VPS13C: variants seen among roughly 807,000 people sequenced by gnomAD.
VPS13C encodes the protein vacuolar protein sorting 13 homolog C.
VPS13C carries 358 observed loss-of-function variants against 456.8 expected under a neutral mutation model. The observed-to-expected ratio is 0.78, with a 90% CI of 0.72 to 0.86. VPS13C has a LOEUF of 0.86. Among genes scored for constraint, VPS13C ranks in the 40% least tolerant of loss-of-function variants. The pLI is 0.00. For synonymous variants in VPS13C, 1,578 were observed against 1,486.7 expected, an observed-to-expected ratio of 1.06 and a Z score of -1.41; for missense variants, 4,818 against 4,385.4, an observed-to-expected ratio of 1.10 and a Z score of -2.79.
chr15:61,931,136 A>G lies in VPS13C; in HGVS notation c.5992T>C (p.Cys1998Arg). 1.2e-6 allele frequency: 2 copies of G among 1,614,140 alleles called. No homozygotes were observed. The highest frequency in any genetic ancestry group is 1.7e-6 in the Non-Finnish European group (2 of 1,180,018). Residue 1998 changes from cysteine (C) to arginine (R), a missense_variant, in exon 50 of 85, where the codon TGC (cysteine) becomes CGC (arginine). Transcript: ENST00000644861. ...SMNVSVKLKT[C>R]TLDDLREGIE... is the part of the protein sequence containing the mutation. ...CCTTCTCTGAGATCATCAAGGGTGC[A>G]TGTCTTAAGTTTAACGCTGACATTC...
intron 74 of VPS13C, among the ~76,000 whole-genome samples, chr15:61,878,349 A>G (rs1277539585): frequency 6.6e-6 from 1 of 151,930 alleles, no homozygotes; most frequent in Non-Finnish European, 1.5e-5. Context: ...TGACTAAAAA[A>G]TTCAATTATT....
rs146172151 is a variant in VPS13C, at chr15:61,929,643, C to T, written c.6144G>A (p.Leu2048=). Residue 2048 remains leucine, a synonymous_variant, in exon 51 of 85, where the codon CTG becomes CTA. Transcript: ENST00000644861. ...GAAATTCCACACTGGCACATACATA[C>T]AGCTTGTCAAGAACAGCATCAATTT... ...GSQIDAVLDK[L]YVCASVEFLM... is the part of the protein sequence containing the mutation. 5.0e-6 allele frequency: 8 copies of T among 1,614,002 alleles called. No homozygotes were observed. The highest frequency in any genetic ancestry group is 6.8e-6 in the Non-Finnish European group (8 of 1,180,016).
At position 61,877,232 on chromosome 15, in the gene VPS13C, C is replaced by T. The variant is rs1596281443; in HGVS notation, c.10143-178G>A. 5 of 464,794 alleles carry T rather than the reference C, an allele frequency of 1.1e-5. No homozygotes were observed. In the East Asian group the frequency reaches 1.7e-4, roughly 16 times the overall value. The allele number at this position is 464,794 out of a possible 1,614,324, so 28.8% of individuals were successfully genotyped here. On this transcript the variant is annotated intron_variant, in intron 74 of 84. Transcript: ENST00000644861. ...AATGGTTACTAAATTATTATAAAAA[C>T]AGTGCACAAGTTTTTCATATATGCA...
rs375042118 is a variant in VPS13C at position 61,911,900 on chromosome 15, G to A, written c.8655C>T (p.Gly2885=). 105 of 1,611,826 alleles carry A rather than the reference G, an allele frequency of 6.5e-5. No homozygotes were observed. Among genetic ancestry groups the A allele is most frequent in the African/African-American group, 5.9e-4 (44 of 74,936 alleles). ...GCATTGAGCCATCAGATGCAATCTC[G>A]CCAACTTCTAGTTCTAATGATGACT... ...ANKSSLELEV[G]EIASDGSMPT... The change falls in exon 63 of 85, where the codon GGC becomes GGT. Residue 2885 remains glycine (G), a synonymous_variant. Transcript: ENST00000644861.
At chr15:61,905,589 A>G (rs1468818776) in intron 66 of VPS13C, among the ~76,000 whole-genome samples, 1 of 152,146 alleles carries the variant, frequency 6.6e-6, no homozygotes, top group Admixed American at 6.6e-5. Flanking sequence ...AGAATTAGTG[A>G]TAATATATAA....
rs1462766066 is a variant in VPS13C at position 61,907,492 on chromosome 15, T to C, written c.8979-102A>G. ...GGATTAGCACAGAAGTCCTACGAAA[T>C]TGCTGTGGTTAATAAAACACAACTC... On this transcript the variant is annotated intron_variant, in intron 65 of 84. Coordinates refer to ENST00000644861, the MANE Select transcript of VPS13C (RefSeq NM_020821.3). The C allele has an allele frequency of 7.1e-6, 10 of 1,417,922 alleles. No homozygotes were observed. In the South Asian group the frequency reaches 1.0e-4, roughly 14 times the overall value. The allele number at this position is 1,417,922 out of a possible 1,614,324, so 87.8% of individuals were successfully genotyped here. A position where few individuals can be genotyped will look rare whatever the true frequency, so the allele number is the denominator to read the frequency against.
chr15:62,026,581 G>C (rs1344718035), intron 6 of VPS13C, among the ~76,000 whole-genome samples: 1 of 151,942 alleles, frequency 6.6e-6, no homozygotes, highest in Non-Finnish European at 1.5e-5. Flanking sequence ...AACCAAATCT[G>C]AATAATGATA....
chr15:61,972,414 A>G (rs1251248339), intron 27 of VPS13C, among the ~76,000 whole-genome samples: 1 of 152,166 alleles, frequency 6.6e-6, no homozygotes, highest in Admixed American at 6.5e-5. Context: ...TTCTTACATC[A>G]GTTTTTTTAA....
Position 61,961,806 on chromosome 15 carries a change from C to T in VPS13C, c.3691G>A (p.Asp1231Asn). Residue 1231 changes from aspartate (D) to asparagine (N), a missense_variant, in exon 35 of 85, where the codon GAT becomes AAT. By Grantham distance (23) the Asp-to-Asn change is conservative. This residue lies in a region of VPS13C where 4,552 missense variants were observed against 4,130.6 expected (regional missense o/e 1.10). Coordinates refer to ENST00000644861, the MANE Select transcript of VPS13C (RefSeq NM_020821.3). ...ACACGAAAACTCCTCTGGGCAAGAT[C>T]TTTCACACTTGTGGCAGCCCTTTCT... Reference protein sequence around the residue: ...AAERAATSVKDLAQRSFRVSI... With the variant: ...AAERAATSVKNLAQRSFRVSI... 1 of 1,614,066 alleles carries T rather than the reference C, an allele frequency of 6.2e-7. No homozygotes were observed. Among genetic ancestry groups the T allele is most frequent in the Admixed American group, 1.7e-5 (1 of 60,008 alleles).
At chr15:61,884,010 T>C in intron 68 of VPS13C, 118 bp downstream of exon 68, 2 of 855,434 alleles carry the variant, frequency 2.3e-6, no homozygotes, top group Non-Finnish European at 3.4e-6. Flanking sequence ...TAAAAGTTTA[T>C]CTACCAATAA....
intron 1 of VPS13C, among the ~76,000 whole-genome samples, chr15:62,053,072 C>G (rs28708768): frequency 6.6e-6 from 1 of 152,108 alleles, no homozygotes; most frequent in Non-Finnish European, 1.5e-5. Context: ...TGAACAGGTG[C>G]TTAAATTTAA....
chr15:61,855,208 T>A (rs1201546397), intron 83 of VPS13C, among the ~76,000 whole-genome samples: 2 of 152,180 alleles, frequency 1.3e-5, no homozygotes, highest in East Asian at 3.8e-4. Flanking sequence ...CAGGCTATGA[T>A]AAATAGCCTA....
rs1450787814 is a variant in VPS13C, at chr15:61,968,817, C to A, written c.2911+482G>T. 2.0e-5 allele frequency among the ~76,000 whole-genome samples: 3 copies of A among 152,022 alleles called. No homozygotes were observed. The South Asian group carries it at 6.2e-4, about 32-fold the overall frequency. ...ATACTATTTAATAGAAAGAACAAGG[C>A]CTTCAATAACATATGATCAGAGATA... On this transcript the variant is annotated intron_variant, in intron 28 of 84. Transcript: ENST00000644861.
Position 61,933,593 on chromosome 15 carries a change from G to A in VPS13C, c.5868+626C>T, listed in dbSNP as rs543284741. Reference sequence around the variant, plus strand: ...TTAAAATATGCCATATGTATTATAGGTATTAATGTATGACATAATATAATT... The same window carrying A: ...TTAAAATATGCCATATGTATTATAGATATTAATGTATGACATAATATAATT... On this transcript the variant is annotated intron_variant, in intron 49 of 84. Transcript: ENST00000644861. 5.3e-5 allele frequency among the ~76,000 whole-genome samples: 8 copies of A among 151,972 alleles called. 1 individual carries two copies. In the South Asian group the frequency reaches 1.2e-3, roughly 24 times the overall value.
chr15:61,992,291 C>A (rs899027146), intron 16 of VPS13C, among the ~76,000 whole-genome samples: 1 of 152,156 alleles, frequency 6.6e-6, no homozygotes, highest in African/African-American at 2.4e-5. Context: ...TAATTTCACC[C>A]TCTTTTCTCA....
At chr15:62,034,855 TACCTTC>T in intron 4 of VPS13C, 96 bp downstream of exon 4, 1 of 728,628 alleles carries the variant, frequency 1.4e-6, no homozygotes, top group Non-Finnish European at 2.2e-6. Flanking sequence ...TTATTTAAAT[TACCTTC>T]TATCTTAATA....
intron 47 of VPS13C, among the ~76,000 whole-genome samples, chr15:61,940,147 C>T (rs192511437): frequency 9.9e-4 from 151 of 152,178 alleles, no homozygotes; most frequent in African/African-American, 3.0e-3. Context: ...TTTGCCTATT[C>T]AAAATGATAT....
At position 61,961,640 on chromosome 15, in the gene VPS13C, G is replaced by A; in HGVS notation, c.3857C>T (p.Pro1286Leu). 1 of 1,612,934 alleles carries A rather than the reference G, an allele frequency of 6.2e-7. No individual in the cohort carries two copies. The highest frequency in any genetic ancestry group is 8.5e-7 in the Non-Finnish European group (1 of 1,179,422). ...SLVSDEDYLN[P>L]PVIDRMDVQL... ...CACATCCATTCTATCAATTACTGGA[G>A]GATTTAAGTAGTCTTCATCAGACAC... The change falls in exon 35 of 85, where the codon CCT becomes CTT. Residue 1286 changes from proline to leucine, a missense_variant. Physicochemically the swap from Pro to Leu is moderately conservative, Grantham distance 98 (BLOSUM62 -3). Transcript: ENST00000644861.
chr15:61,976,977 T>C (rs2045720784), intron 24 of VPS13C, 105 bp downstream of exon 24: 1 of 732,630 alleles, frequency 1.4e-6, no homozygotes, highest in Non-Finnish European at 2.3e-6. Context: ...TAATCATTTT[T>C]GCTGTCTCCC....
Sources: gnomAD v4.1 joint callset for allele counts (sites outside exome capture counted in the v4.1 genomes callset) on GRCh38, gnomAD v4.1.1 for gene constraint, gnomAD v4.1.1 regional missense constraint, MANE v1.5 for transcripts, NCBI Gene and HGNC (gene_info 2026-07-23, HGNC 2026-07-21) for gene names.